The following CNGB3 variants were observed in gnomAD, a reference collection of about 807,000 sequenced individuals.
CNGB3 encodes cyclic nucleotide-gated channel beta-3.
A neutral mutation model predicts 92.8 loss-of-function variants in CNGB3; 86 were observed. That is an observed-to-expected ratio of 0.93 (90% confidence interval 0.78 to 1.11). The LOEUF is 1.11. Ranked by LOEUF, CNGB3 falls within the 50% of genes least tolerant of loss-of-function variation. The probability of loss-of-function intolerance (pLI) is 0.00; values close to 1 mark genes in which losing one functional copy is unlikely to be tolerated. For missense variants in CNGB3, 1,026 were observed against 956.8 expected (o/e 1.07, Z -0.95); for synonymous variants, 333 against 332.7 (o/e 1.00, Z -0.01).
At chr8:86,738,845 A>AAC (rs1251797511) in intron 2 of CNGB3, among the ~76,000 whole-genome samples, 1 of 151,516 alleles carries the variant, frequency 6.6e-6, no homozygotes, top group African/African-American at 2.4e-5. Flanking sequence ...CGTCTCAAAA[A>AAC]AAAAAAAAAA....
At chr8:86,709,680 G>C (rs1824713980) in intron 3 of CNGB3, among the ~76,000 whole-genome samples, 2 of 152,002 alleles carry the variant, frequency 1.3e-5, no homozygotes, top group African/African-American at 4.8e-5. Flanking sequence ...TCCTGATACT[G>C]TGGGATGCTG....
intron 3 of CNGB3, among the ~76,000 whole-genome samples, chr8:86,690,827 A>G (rs1824297052): frequency 1.3e-5 from 2 of 152,076 alleles, no homozygotes; most frequent in Non-Finnish European, 2.9e-5. Context: ...TCCTTTCCCC[A>G]TTTCTTGTTT....
At chr8:86,613,293 A>G (rs1454736238) in intron 13 of CNGB3, among the ~76,000 whole-genome samples, 4 of 152,084 alleles carry the variant, frequency 2.6e-5, no homozygotes, top group Admixed American at 6.6e-5. Context: ...TACAAACATA[A>G]TTTTTTTTCT....
intron 3 of CNGB3, among the ~76,000 whole-genome samples, chr8:86,709,706 AT>A (rs1043020215): frequency 1.2e-4 from 19 of 152,324 alleles, no homozygotes; most frequent in African/African-American, 4.3e-4. Context: ...GTTAAAAAAA[AT>A]AAATGAAAAC....
At chr8:86,661,892 T>C (rs1344980925) in intron 6 of CNGB3, 5 of 873,498 alleles carry the variant, frequency 5.7e-6, no homozygotes, top group African/African-American at 5.0e-5. Context: ...CCACAAACCA[T>C]ATTGGTGAAA....
chr8:86,644,745 A>AC, intron 8 of CNGB3, 59 bp from the exon 9 acceptor site: 1 of 1,071,874 alleles, frequency 9.3e-7, no homozygotes, highest in Non-Finnish European at 1.2e-6. Context: ...ATATATTTAA[A>AC]TAAAACTATA....
At chr8:86,707,292 GATA>G (rs1044102379) in intron 3 of CNGB3, among the ~76,000 whole-genome samples, 2 of 152,108 alleles carry the variant, frequency 1.3e-5, no homozygotes, top group Non-Finnish European at 2.9e-5. Flanking sequence ...AAGAGAGACA[GATA>G]ATATAAACTT....
chr8:86,705,666 A>G (rs1231016440), intron 3 of CNGB3, among the ~76,000 whole-genome samples: 1 of 152,140 alleles, frequency 6.6e-6, no homozygotes, highest in Non-Finnish European at 1.5e-5. Flanking sequence ...CACGGCTGAC[A>G]TGAGCGCTGG....
intron 3 of CNGB3, among the ~76,000 whole-genome samples, chr8:86,675,188 C>T (rs1823942500): frequency 1.3e-5 from 2 of 152,106 alleles, no homozygotes; most frequent in African/African-American, 4.8e-5. Flanking sequence ...TCTAGAACTC[C>T]TGACCTCATG....
intron 3 of CNGB3, among the ~76,000 whole-genome samples, chr8:86,694,668 C>T (rs1245586008): frequency 1.3e-5 from 2 of 150,546 alleles, no homozygotes; most frequent in Admixed American, 6.6e-5. Flanking sequence ...GATGGGGCGG[C>T]GGGGTAGAGG....
chr8:86,676,506 C>G (rs1305567499), intron 3 of CNGB3, among the ~76,000 whole-genome samples: 3 of 151,888 alleles, frequency 2.0e-5, no homozygotes, highest in Non-Finnish European at 4.4e-5. Flanking sequence ...GAATTCTAAG[C>G]AGAAGAGGGA....
In CNGB3 at chr8:86,575,882, G is replaced by A. The variant is rs1422763578; in HGVS notation, c.2352C>T (p.Leu784=). Residue 784 remains leucine (L), a synonymous_variant, in exon 18 of 18, where the codon CTC becomes CTT. Coordinates refer to ENST00000320005, the MANE Select transcript of CNGB3 (RefSeq NM_019098.5). ...VLPRGTSRQS[L]IISMAPSAEG... Reference sequence around the variant, plus strand: ...CAGCAGAAGGAGCCATGCTGATAATGAGTGATTGACGAGAAGTCCCTCTGG... The same window carrying A: ...CAGCAGAAGGAGCCATGCTGATAATAAGTGATTGACGAGAAGTCCCTCTGG... The A allele has an allele frequency of 6.2e-7, 1 of 1,613,278 alleles. No individual in the cohort carries two copies. The highest frequency in any genetic ancestry group is 1.7e-5 in the Admixed American group (1 of 59,858).
At chr8:86,644,370 T>A (rs905465103) in intron 9 of CNGB3, among the ~76,000 whole-genome samples, 1 of 151,440 alleles carries the variant, frequency 6.6e-6, no homozygotes, top group Non-Finnish European at 1.5e-5. Context: ...TTTTCTGTAC[T>A]TGTTTTGACA....
At chr8:86,578,238 G>C (rs1821695832) in intron 17 of CNGB3, among the ~76,000 whole-genome samples, 1 of 152,124 alleles carries the variant, frequency 6.6e-6, no homozygotes, top group African/African-American at 2.4e-5. Flanking sequence ...TATCAGAGCT[G>C]AAACAAGAAA....
chr8:86,694,032 G>A (rs1181975959), intron 3 of CNGB3, among the ~76,000 whole-genome samples: 2 of 150,382 alleles, frequency 1.3e-5, no homozygotes, highest in Non-Finnish European at 1.5e-5. Flanking sequence ...GCCGGGCAGA[G>A]GCGCCCCTCA....
At chr8:86,665,790 T>C (rs552236689) in intron 6 of CNGB3, among the ~76,000 whole-genome samples, 3 of 152,240 alleles carry the variant, frequency 2.0e-5, no homozygotes, top group Admixed American at 1.3e-4. Context: ...AACCTAATTA[T>C]TGGGTACTAT....
chr8:86,667,884 T>A lies in CNGB3; in HGVS notation c.643+135A>T, dbSNP rs7815125. ...GGGCAAATGATCCTTTGCAGGTTAT[T>A]TAATTTAAATTCTGCTTCCTAGTTA... On this transcript the variant is annotated intron_variant, in intron 5 of 17. Coordinates refer to ENST00000320005, the MANE Select transcript of CNGB3 (RefSeq NM_019098.5). The A allele has an allele frequency of 0.86, 842,499 of 974,314 alleles. 365,667 individuals are homozygous for A. The highest frequency in any genetic ancestry group is 1 in the East Asian group (41,819 of 41,850). 60.4% of individuals were successfully genotyped at this position (974,314 alleles called of 1,614,324 possible). A position where few individuals can be genotyped will look rare whatever the true frequency, so the allele number is the denominator to read the frequency against.
chr8:86,660,318 G>A, intron 6 of CNGB3: 1 of 353,826 alleles, frequency 2.8e-6, no homozygotes, highest in African/African-American at 2.1e-5. Context: ...TGGGGTTGGG[G>A]CCATATCAGC....
chr8:86,737,177 AG>A (rs1258154149), intron 2 of CNGB3, among the ~76,000 whole-genome samples: 3 of 152,184 alleles, frequency 2.0e-5, no homozygotes, highest in Admixed American at 2.0e-4. Flanking sequence ...GAAAAAACAG[AG>A]GTGTTTTTCA....
Sources: allele counts gnomAD v4.1 joint callset (sites outside exome capture counted in the v4.1 genomes callset), GRCh38; gene constraint gnomAD v4.1.1; transcripts MANE v1.5; gene names NCBI Gene and HGNC (gene_info 2026-07-23, HGNC 2026-07-21).